The following MBP variants were observed in gnomAD, a reference collection of about 807,000 sequenced individuals.
MBP encodes the protein Golli-MBP.
MBP carries 16 observed loss-of-function variants against 35.8 expected under a neutral mutation model. That is an observed-to-expected ratio of 0.45 (90% CI 0.30 to 0.68). The LOEUF (loss-of-function observed/expected upper bound fraction) is 0.68, where lower values mean the gene tolerates loss of function less well. Among genes scored for constraint, MBP ranks in the 30% least tolerant of loss-of-function variants. MBP has a pLI of 0.08. For synonymous variants in MBP, 143 were observed against 159.6 expected, an observed-to-expected ratio of 0.90 and a Z score of 0.78; for missense variants, 380 against 404.7, an observed-to-expected ratio of 0.94 and a Z score of 0.52.
At position 77,010,190 on chromosome 18, in the gene MBP, A is replaced by G. The variant is rs149009242; in HGVS notation, c.576+6642T>C. 1.9e-5 allele frequency: 10 copies of G among 518,468 alleles called. No individual in the cohort carries two copies. The East Asian group carries it at 2.3e-4, about 12-fold the overall frequency. The allele number at this position is 518,468 out of a possible 1,614,324, so 32.1% of individuals were successfully genotyped here. A position where few individuals can be genotyped will look rare whatever the true frequency, so the allele number is the denominator to read the frequency against. On this transcript the variant is annotated intron_variant, in intron 4 of 8. Transcript: ENST00000355994. ...GACTCAGGAAATCGAGAGCAAAAGGAAAGTTTAGGGAAGAATTCTCTCCTC... is the reference window on the plus strand; with the variant it reads ...GACTCAGGAAATCGAGAGCAAAAGGGAAGTTTAGGGAAGAATTCTCTCCTC...
chr18:77,010,465 A>G (rs1175332170), intron 4 of MBP, among the ~76,000 whole-genome samples: 1 of 152,222 alleles, frequency 6.6e-6, no homozygotes, highest in Non-Finnish European at 1.5e-5. Context: ...TTACAGGTTG[A>G]AACTTTTTCT....
At chr18:77,002,737 G>C (rs879389375) in intron 4 of MBP, 1 of 152,240 alleles carries the variant, frequency 6.6e-6, no homozygotes, top group Non-Finnish European at 1.5e-5. Flanking sequence ...CGAGACTCTT[G>C]TGGAGTGAAC....
intron 2 of MBP, among the ~76,000 whole-genome samples, chr18:77,087,045 C>A (rs1975263841): frequency 6.6e-6 from 1 of 152,164 alleles, no homozygotes; most frequent in Non-Finnish European, 1.5e-5. Context: ...ATAAATGGTT[C>A]ATCAATCACT....
At chr18:77,068,060 C>G (rs749712314) in intron 2 of MBP, among the ~76,000 whole-genome samples, 1 of 149,308 alleles carries the variant, frequency 6.7e-6, no homozygotes, top group Non-Finnish European at 1.5e-5. Flanking sequence ...TGTATCCATT[C>G]CCATCCCTGG....
At chr18:77,124,862 G>C (rs1379526131) in intron 1 of MBP, among the ~76,000 whole-genome samples, 1 of 152,156 alleles carries the variant, frequency 6.6e-6, no homozygotes, top group Non-Finnish European at 1.5e-5. Context: ...AAAAGGGCTG[G>C]ATCCCCATAC....
chr18:77,054,046 A>G (rs1373710311), intron 3 of MBP, among the ~76,000 whole-genome samples: 2 of 152,202 alleles, frequency 1.3e-5, no homozygotes, highest in Non-Finnish European at 2.9e-5. Flanking sequence ...GGACGCGATG[A>G]CTGCCCCTCG....
In MBP at chr18:77,023,286, T is replaced by C. The variant is rs542798620; in HGVS notation, c.140-6018A>G. 5.3e-5 allele frequency among the ~76,000 whole-genome samples: 8 copies of C among 152,314 alleles called. 1 individual carries two copies. In the East Asian group the frequency reaches 1.5e-3, roughly 29 times the overall value. ...AGGCGTCATGACCTGAGGAAGCTCA[T>C]CTTCCACTGAGGTGGTGTTAATGAA... On this transcript the variant is annotated intron_variant, in intron 3 of 8. Coordinates refer to ENST00000355994, the MANE Select transcript of MBP (RefSeq NM_001025101.2).
At chr18:77,092,166 A>G (rs1222174064) in intron 2 of MBP, among the ~76,000 whole-genome samples, 2 of 152,248 alleles carry the variant, frequency 1.3e-5, no homozygotes, top group African/African-American at 2.4e-5. Context: ...CACAGCTGCA[A>G]TTACACGGCG....
At chr18:77,009,800 C>T (rs768595727) in intron 4 of MBP, 117 of 1,475,388 alleles carry the variant, frequency 7.9e-5, no homozygotes, top group South Asian at 5.7e-4. Context: ...GCTCAGGAAA[C>T]GGCAGGTCAC....
At chr18:77,133,351 G>A (rs1388851715), upstream of MBP, among the ~76,000 whole-genome samples, 2 of 152,228 alleles carry the variant, frequency 1.3e-5, no homozygotes, top group East Asian at 3.9e-4. Flanking sequence ...CTGGGAGCTA[G>A]GGGCGCACCT....
chr18:77,070,864 C>T (rs927045166), intron 2 of MBP, among the ~76,000 whole-genome samples: 3 of 152,140 alleles, frequency 2.0e-5, no homozygotes, highest in African/African-American at 4.8e-5. Flanking sequence ...GCCAGGACGT[C>T]GGCGGGCGGA....
At chr18:77,066,777 C>G (rs960089978) in intron 2 of MBP, among the ~76,000 whole-genome samples, 1 of 152,254 alleles carries the variant, frequency 6.6e-6, no homozygotes, top group Admixed American at 6.5e-5. Context: ...CCAATGACAC[C>G]TTTGGCTAAC....
intron 3 of MBP, among the ~76,000 whole-genome samples, chr18:77,061,226 A>C (rs1335486572): frequency 2.0e-5 from 3 of 152,226 alleles, no homozygotes. Flanking sequence ...ATACAAAACT[A>C]ATCTCCACAT....
intron 7 of MBP, chr18:76,987,679 C>G (rs1242431267): frequency 1.0e-6 from 1 of 989,496 alleles, no homozygotes. Flanking sequence ...GTTTCGGAGA[C>G]AGACACAACC....
At chr18:77,082,088 G>A (rs1423665941) in intron 2 of MBP, among the ~76,000 whole-genome samples, 9 of 151,862 alleles carry the variant, frequency 5.9e-5, no homozygotes, top group East Asian at 1.9e-4. Context: ...TCCTGACCTT[G>A]TGATCCGCCC....
chr18:77,061,135 G>T (rs753993177), intron 3 of MBP, among the ~76,000 whole-genome samples: 1 of 152,184 alleles, frequency 6.6e-6, no homozygotes, highest in Admixed American at 6.5e-5. Context: ...TAGACACAGG[G>T]ATCATAGGCT....
Position 76,989,111 on chromosome 18 carries a change from C to G in MBP, c.682-199G>C, listed in dbSNP as rs1193458683. 1.4e-6 allele frequency: 1 copy of G among 703,266 alleles called. No homozygotes were observed. Among genetic ancestry groups the G allele is most frequent in the Non-Finnish European group, 2.6e-6 (1 of 385,592 alleles). 43.6% of individuals were successfully genotyped at this position (703,266 alleles called of 1,614,324 possible). A position where few individuals can be genotyped will look rare whatever the true frequency, so the allele number is the denominator to read the frequency against. The stretch of plus-strand genomic sequence containing the variant: ...AAAATATTCTAGATGATGCAGATCT[C>G]CCAGAGCACTCAGGAAGTGTTTCAG... On this transcript the variant is annotated intron_variant, in intron 5 of 8. Coordinates refer to ENST00000355994, the MANE Select transcript of MBP (RefSeq NM_001025101.2). This position sits in a 1 kb window ranked among gnomAD's most constrained non-coding sequence, Gnocchi z 4.0.
chr18:77,028,863 C>T (rs1300085762), intron 3 of MBP, among the ~76,000 whole-genome samples: 4 of 106,506 alleles, frequency 3.8e-5, no homozygotes, highest in Non-Finnish European at 6.8e-5. Flanking sequence ...TGATGGCGGC[C>T]GGGCAGAGGC....
chr18:77,118,130 T>C (rs186814240), intron 1 of MBP, among the ~76,000 whole-genome samples: 11 of 13,302 alleles, frequency 8.3e-4, no homozygotes, highest in Admixed American at 2.4e-3. Context: ...TGGGTTGGGG[T>C]GGGATGGGGG....
Sources: allele counts gnomAD v4.1 joint callset (sites outside exome capture counted in the v4.1 genomes callset), GRCh38; gene constraint gnomAD v4.1.1; non-coding constraint Gnocchi (gnomAD v3.1); transcripts MANE v1.5; gene names NCBI Gene and HGNC (gene_info 2026-07-23, HGNC 2026-07-21).